The following CHN2 variants were observed in gnomAD, a reference collection of about 807,000 sequenced individuals.
The protein encoded by CHN2 is beta-chimaerin.
CHN2 carries 35 observed loss-of-function variants against 56.3 expected under a neutral mutation model. That is an observed-to-expected ratio of 0.62 (90% CI 0.47 to 0.82). The LOEUF is 0.82. Ranked by LOEUF, CHN2 falls within the 40% of genes least tolerant of loss-of-function variation. The probability of loss-of-function intolerance (pLI) is 0.00; values close to 1 mark genes in which losing one functional copy is unlikely to be tolerated. For missense variants in CHN2, 491 were observed against 580.5 expected (o/e 0.85, Z 1.58); for synonymous variants, 210 against 212.8 (o/e 0.99, Z 0.12).
Position 29,482,797 on chromosome 7 carries a change from C to CTTTTTTTTTTTTTTTTTTTT in CHN2, c.654+2464_654+2483dup, listed in dbSNP as rs375120538. Among the ~76,000 whole-genome samples the CTTTTTTTTTTTTTTTTTTTT allele has an allele frequency of 9.3e-5, 6 of 64,206 alleles. 1 individual carries two copies. The highest frequency in any genetic ancestry group is 1.5e-4 in the Non-Finnish European group (5 of 34,260). The allele number at this position is 64,206 out of a possible 152,430, so 42.1% of individuals were successfully genotyped here. On this transcript the variant is annotated intron_variant, in intron 7 of 12. Transcript: ENST00000222792. ...TGCTAGGTGCTGTCTGCACTTTTTT[C>CTTTTTTTTTTTTTTTTTTTT]TTTTTTTTTTTTTTTTTTTTTTTTT... is the stretch of plus-strand genomic sequence containing the variant.
chr7:29,280,563 G>A (rs1306101065), intron 1 of CHN2, among the ~76,000 whole-genome samples: 2 of 151,988 alleles, frequency 1.3e-5, no homozygotes, highest in African/African-American at 2.4e-5. Context: ...CTAAGAGAGA[G>A]GATTACAGGT....
At chr7:29,293,857 ATTTTTTTT>A (rs70980522) in intron 1 of CHN2, among the ~76,000 whole-genome samples, 1,571 of 78,550 alleles carry the variant, frequency 0.02, 10 homozygotes, top group African/African-American at 0.046. Context: ...GAGGCTGGGA[ATTTTTTTT>A]TTTTTTTTTT....
chr7:29,357,674 G>A (rs565843174), intron 2 of CHN2, among the ~76,000 whole-genome samples: 11 of 152,128 alleles, frequency 7.2e-5, no homozygotes, highest in Non-Finnish European at 1.3e-4. Context: ...TATCTCCTGG[G>A]AAAGAAGACT....
chr7:29,207,333 C>T (rs1266953649), intron 1 of CHN2, among the ~76,000 whole-genome samples: 1 of 152,146 alleles, frequency 6.6e-6, no homozygotes, highest in Non-Finnish European at 1.5e-5. Context: ...CTTTTCATTT[C>T]CACATTCATC....
At position 29,380,611 on chromosome 7, in the gene CHN2, C is replaced by G. The variant is rs891920765; in HGVS notation, c.144+12624C>G. The G allele has an allele frequency of 6.6e-5, 10 of 152,296 alleles. No homozygotes were observed. The South Asian group carries it at 1.9e-3, about 28-fold the overall frequency. 9.4% of individuals were successfully genotyped at this position (152,296 alleles called of 1,614,324 possible). On this transcript the variant is annotated intron_variant, in intron 3 of 12. Coordinates refer to ENST00000222792, the MANE Select transcript of CHN2 (RefSeq NM_004067.4). ...AAAACTAAGAATGATAGACACTTTG[C>G]CTTTTCCAAAGTACGTATAGTACCA...
intron 6 of CHN2, among the ~76,000 whole-genome samples, chr7:29,405,161 C>CCACACACA (rs1429739362): frequency 3.4e-4 from 17 of 49,866 alleles, no homozygotes; most frequent in Middle Eastern, 9.8e-3. Context: ...GCTTATGTCA[C>CCACACACA]CATACACACA....
intron 1 of CHN2, among the ~76,000 whole-genome samples, chr7:29,278,361 A>G (rs1430691589): frequency 1.3e-5 from 2 of 152,014 alleles, no homozygotes; most frequent in Admixed American, 1.3e-4. Flanking sequence ...CTCTGTCTCA[A>G]CTACTCGACT....
chr7:29,291,092 T>C (rs1792575472), intron 1 of CHN2, among the ~76,000 whole-genome samples: 1 of 152,220 alleles, frequency 6.6e-6, no homozygotes, highest in Non-Finnish European at 1.5e-5. Flanking sequence ...GTGTGTTTAC[T>C]GGAGTTGTAC....
intron 6 of CHN2, among the ~76,000 whole-genome samples, chr7:29,427,085 A>G (rs1182423361): frequency 6.6e-6 from 1 of 152,202 alleles, no homozygotes; most frequent in African/African-American, 2.4e-5. Context: ...TGGGAAGCCA[A>G]GGTGGGTGGA....
chr7:29,337,090 T>C (rs1796683848), intron 1 of CHN2, among the ~76,000 whole-genome samples: 1 of 152,166 alleles, frequency 6.6e-6, no homozygotes. Context: ...AAGGACTTTG[T>C]CATCTTTGTG....
chr7:29,299,786 C>A (rs1046877207), intron 1 of CHN2, among the ~76,000 whole-genome samples: 2 of 152,094 alleles, frequency 1.3e-5, no homozygotes. Context: ...GCTAGAAACA[C>A]AAATAACTGA....
At chr7:29,415,332 A>G (rs1803627093) in intron 6 of CHN2, among the ~76,000 whole-genome samples, 1 of 152,202 alleles carries the variant, frequency 6.6e-6, no homozygotes, top group Admixed American at 6.5e-5. Flanking sequence ...AGCTGATGCT[A>G]GAGATGGAGA....
At chr7:29,346,230 C>G (rs1797428543) in intron 1 of CHN2, among the ~76,000 whole-genome samples, 1 of 152,170 alleles carries the variant, frequency 6.6e-6, no homozygotes, top group East Asian at 1.9e-4. Context: ...TACACTCTGT[C>G]CATGAGGACG....
intron 3 of CHN2, among the ~76,000 whole-genome samples, chr7:29,376,700 C>T (rs1800105927): frequency 1.3e-5 from 2 of 152,198 alleles, no homozygotes; most frequent in Non-Finnish European, 2.9e-5. Flanking sequence ...GCTATTTGCT[C>T]AGCACTTGTG....
Position 29,441,925 on chromosome 7 carries a change from C to G in CHN2, c.577-38354C>G, listed in dbSNP as rs554490965. On this transcript the variant is annotated intron_variant, in intron 6 of 12. Transcript: ENST00000222792. ...ACCATATAACTCATAAATTCCATAT[C>G]TAGGTGTATAACCCACATAATTGAA... is the stretch of plus-strand genomic sequence containing the variant. Among the ~76,000 whole-genome samples the G allele has an allele frequency of 3.3e-5, 5 of 152,252 alleles. No homozygotes were observed. In the South Asian group the frequency reaches 1.0e-3, roughly 32 times the overall value.
chr7:29,483,264 T>G (rs562833986), intron 7 of CHN2, among the ~76,000 whole-genome samples: 30 of 152,280 alleles, frequency 2.0e-4, no homozygotes, highest in Non-Finnish European at 4.0e-4. Context: ...CCAGGAACTT[T>G]GTCAAGAGGA....
At chr7:29,479,974 A>G in intron 6 of CHN2, 4 of 1,461,198 alleles carry the variant, frequency 2.7e-6, no homozygotes, top group Non-Finnish European at 2.7e-6. Flanking sequence ...TTCAGGTCAC[A>G]TGCCGGAGGC....
At chr7:29,183,450 C>T (rs1338611448) in intron 2 of CHN2, among the ~76,000 whole-genome samples, 3 of 151,276 alleles carry the variant, frequency 2.0e-5, no homozygotes, top group Admixed American at 6.6e-5. Context: ...GATCTCGGCT[C>T]ACTGCAACTT....
chr7:29,215,475 A>G (rs1785266055), intron 1 of CHN2, among the ~76,000 whole-genome samples: 1 of 152,178 alleles, frequency 6.6e-6, no homozygotes, highest in South Asian at 2.1e-4. Context: ...CCAGAACTGT[A>G]GTTGTAACTC....
Sources: allele counts gnomAD v4.1 joint callset (sites outside exome capture counted in the v4.1 genomes callset), GRCh38; gene constraint gnomAD v4.1.1; transcripts MANE v1.5; gene names NCBI Gene and HGNC (gene_info 2026-07-23, HGNC 2026-07-21).